BDH1: variants seen among roughly 807,000 people sequenced by gnomAD.
BDH1 encodes the protein D-beta-hydroxybutyrate dehydrogenase, mitochondrial.
BDH1 carries 30 observed loss-of-function variants against 33.1 expected under a neutral mutation model. The ratio of observed to expected loss-of-function variants is 0.91; its 90% CI spans 0.68 to 1.23. The LOEUF (loss-of-function observed/expected upper bound fraction) is 1.23, where lower values mean the gene tolerates loss of function less well. BDH1 is among the 50% of genes most tolerant of loss of function. BDH1 has a pLI of 0.00. For synonymous variants in BDH1, 190 were observed against 183.6 expected, an observed-to-expected ratio of 1.03 and a Z score of -0.28; for missense variants, 443 against 464.4, an observed-to-expected ratio of 0.95 and a Z score of 0.42.
At chr3:197,532,717 C>T (rs1015615863) in intron 4 of BDH1, among the ~76,000 whole-genome samples, 195 bp from the exon 5 acceptor site, 1 of 152,214 alleles carries the variant, frequency 6.6e-6, no homozygotes, top group African/African-American at 2.4e-5. Context: ...GACTCGGCTA[C>T]CAACCAGCAA....
chr3:197,568,513 T>C (rs1213938195), intron 1 of BDH1, among the ~76,000 whole-genome samples: 1 of 152,146 alleles, frequency 6.6e-6, no homozygotes, highest in East Asian at 1.9e-4. Flanking sequence ...GAATGAGAAC[T>C]GGAGGAGCTG....
chr3:197,565,561 T>G (rs561162876), intron 1 of BDH1, among the ~76,000 whole-genome samples: 3 of 152,320 alleles, frequency 2.0e-5, no homozygotes, highest in Admixed American at 1.3e-4. Flanking sequence ...TTGGGCTGTA[T>G]TTATATAAAT....
Position 197,515,392 on chromosome 3 carries a change from C to T in BDH1, c.410-976G>A, listed in dbSNP as rs902558968. ...GCTCAGATGCTAATGACAGGATCAG[C>T]GTCATCCACGACCCCACAGCTCCCA... On this transcript the variant is annotated intron_variant, in intron 6 of 7. Transcript: ENST00000392379. The T allele has an allele frequency of 4.4e-5, 43 of 985,760 alleles. No individual in the cohort carries two copies. The African/African-American group carries it at 6.6e-4, about 15-fold the overall frequency. The allele number at this position is 985,760 out of a possible 1,614,324, so 61.1% of individuals were successfully genotyped here.
chr3:197,527,082 G>A (rs1048743345), intron 5 of BDH1, among the ~76,000 whole-genome samples: 1 of 152,208 alleles, frequency 6.6e-6, no homozygotes, highest in African/African-American at 2.4e-5. Flanking sequence ...TAGCATATAT[G>A]TTCAGGTGGT....
chr3:197,538,487 G>C, intron 3 of BDH1: 1 of 424,570 alleles, frequency 2.4e-6, no homozygotes, highest in Non-Finnish European at 4.7e-6. Flanking sequence ...GAGTAGCCGG[G>C]ACTACAGGCT....
chr3:197,541,646 AT>A (rs60455756), intron 3 of BDH1, among the ~76,000 whole-genome samples: 14,840 of 150,140 alleles, frequency 0.099, 1,518 homozygotes, highest in African/African-American at 0.26. Context: ...CCATAGAATG[AT>A]TTTTTTTTTC....
chr3:197,560,092 G>C (rs568807851), upstream of BDH1, among the ~76,000 whole-genome samples: 1 of 152,334 alleles, frequency 6.6e-6, no homozygotes, highest in East Asian at 1.9e-4. Context: ...TTTTGGGAGG[G>C]AAACAGTCCT....
chr3:197,549,742 C>T (rs1043028335), intron 2 of BDH1, among the ~76,000 whole-genome samples: 2 of 152,246 alleles, frequency 1.3e-5, no homozygotes, highest in East Asian at 1.9e-4. Flanking sequence ...AATCCTACAA[C>T]TGGCAGCCTA....
chr3:197,539,307 G>A (rs1291217621), intron 3 of BDH1, among the ~76,000 whole-genome samples: 1 of 152,066 alleles, frequency 6.6e-6, no homozygotes, highest in Non-Finnish European at 1.5e-5. Context: ...GCCTGGCTAA[G>A]TTTTGTATTT....
Position 197,532,417 on chromosome 3 carries a change from T to C in BDH1, c.262A>G (p.Met88Val), listed in dbSNP as rs1348700526. 1.2e-6 allele frequency: 2 copies of C among 1,613,708 alleles called. No homozygotes were observed. Among genetic ancestry groups the C allele is most frequent in the African/African-American group, 1.3e-5 (1 of 75,060 alleles). The change falls in exon 5 of 8, where the codon ATG becomes GTG. Residue 88 changes from methionine (M) to valine (V), a missense_variant. Coordinates refer to ENST00000392379, the MANE Select transcript of BDH1 (RefSeq NM_203314.3). ...KGFLVFAGCL[M>V]KDKGHDGVKE... is the part of the protein sequence containing the mutation. Reference sequence around the variant, plus strand: ...GAAGATAACTCGTCTCTTACCTTCATCAAGCAGCCAGCAAACACAAGGAAG... The same window carrying C: ...GAAGATAACTCGTCTCTTACCTTCACCAAGCAGCCAGCAAACACAAGGAAG...
intron 1 of BDH1, among the ~76,000 whole-genome samples, chr3:197,572,716 A>T (rs1717651548): frequency 6.6e-6 from 1 of 152,218 alleles, no homozygotes; most frequent in African/African-American, 2.4e-5. Flanking sequence ...CAGCCCGGAC[A>T]ACATAGCAAG....
chr3:197,527,699 C>G (rs1560316798), intron 5 of BDH1, among the ~76,000 whole-genome samples: 1 of 152,136 alleles, frequency 6.6e-6, no homozygotes, highest in African/African-American at 2.4e-5. Flanking sequence ...CACACTCCCT[C>G]CTGGAGCTCT....
intron 3 of BDH1, among the ~76,000 whole-genome samples, chr3:197,536,158 G>A (rs1206356545): frequency 6.6e-6 from 1 of 152,138 alleles, no homozygotes; most frequent in African/African-American, 2.4e-5. Flanking sequence ...TTGCTCCAGC[G>A]CCATTTTTTG....
chr3:197,512,368 C>T lies in BDH1; in HGVS notation c.563-4G>A, dbSNP rs373897141. 3 of 1,594,418 alleles carry T rather than the reference C, an allele frequency of 1.9e-6. No homozygotes were observed. The highest frequency in any genetic ancestry group is 3.4e-5 in the Admixed American group (2 of 59,520). On this transcript the variant is annotated splice_region_variant and splice_polypyrimidine_tract_variant and intron_variant, in intron 7 of 7. Transcript: ENST00000392379. Reference sequence around the variant, plus strand: ...CTGCTGATATTGACGACGCGGCCTACAGAGGGAGACAGAGGTACCTGCTAA... The same window carrying T: ...CTGCTGATATTGACGACGCGGCCTATAGAGGGAGACAGAGGTACCTGCTAA...
rs373934580 is a variant in BDH1 at position 197,522,022 on chromosome 3, G to A, written c.409+618C>T. Reference sequence around the variant, plus strand: ...CCTCCTTTGCTGCCACCCCCTCTGCGTGACCTGACCCATGACTCATATTGA... The same window carrying A: ...CCTCCTTTGCTGCCACCCCCTCTGCATGACCTGACCCATGACTCATATTGA... On this transcript the variant is annotated intron_variant, in intron 6 of 7. Transcript: ENST00000392379. The surrounding 1 kb of genome is among the most constrained non-coding windows in gnomAD (Gnocchi z 4.8). Among the ~76,000 whole-genome samples, 31 of 152,162 alleles carry A rather than the reference G, an allele frequency of 2.0e-4. No homozygotes were observed. Among genetic ancestry groups the A allele is most frequent in the African/African-American group, 7.0e-4 (29 of 41,508 alleles).
chr3:197,548,774 C>A (rs1198965603), intron 2 of BDH1, among the ~76,000 whole-genome samples: 1 of 152,130 alleles, frequency 6.6e-6, no homozygotes, highest in Non-Finnish European at 1.5e-5. Context: ...TCGCTTGAAC[C>A]CAGGAGGCGG....
chr3:197,524,049 C>A (rs4857504), intron 5 of BDH1, among the ~76,000 whole-genome samples: 46,508 of 152,060 alleles, frequency 0.31, 8,807 homozygotes, highest in African/African-American at 0.54. Context: ...TTGTCACGTG[C>A]ACCCTCGTGT....
chr3:197,515,778 C>A (rs1236658809), intron 6 of BDH1: 1 of 958,352 alleles, frequency 1.0e-6, no homozygotes, highest in Non-Finnish European at 1.2e-6. Flanking sequence ...GTGGCGGGCA[C>A]CTGTAGTCCC....
At chr3:197,551,515 A>G (rs1716565348) in intron 2 of BDH1, among the ~76,000 whole-genome samples, 1 of 152,176 alleles carries the variant, frequency 6.6e-6, no homozygotes, top group Non-Finnish European at 1.5e-5. Context: ...GCTATTGTAA[A>G]AAGTGCTGGA....
Sources: gnomAD v4.1 joint callset for allele counts (sites outside exome capture counted in the v4.1 genomes callset) on GRCh38, gnomAD v4.1.1 for gene constraint, Gnocchi (gnomAD v3.1) non-coding constraint, MANE v1.5 for transcripts, NCBI Gene and HGNC (gene_info 2026-07-23, HGNC 2026-07-21) for gene names.